The following TENM3 variants were observed in gnomAD, a reference collection of about 807,000 sequenced individuals.
The protein encoded by TENM3 is teneurin-3.
TENM3 carries 63 observed loss-of-function variants against 255.1 expected under a neutral mutation model. The ratio of observed to expected loss-of-function variants is 0.25; its 90% CI spans 0.20 to 0.30. The LOEUF is 0.30. Among genes scored for constraint, TENM3 ranks in the 10% least tolerant of loss-of-function variants. TENM3 has a pLI of 1.00. For missense variants in TENM3, 2,929 were observed against 3,461.1 expected (o/e 0.85, Z 3.86); for synonymous variants, 1,306 against 1,322.3 (o/e 0.99, Z 0.27).
the TENM3 span, among the ~76,000 whole-genome samples, chr4:181,854,894 G>A: frequency 1.1e-4 from 17 of 152,288 alleles, no homozygotes; most frequent in East Asian, 1.9e-3. Context: ...CAGAGTACGC[G>A]TTAGCTAGCA....
chr4:182,731,181 T>G, intron 16 of TENM3, 42 bp downstream of exon 16: 1 of 1,584,142 alleles, frequency 6.3e-7, no homozygotes. Flanking sequence ...TACAAGATCT[T>G]CAGATCATGT....
In TENM3 at chr4:182,753,536, C is replaced by T. The variant is rs780477644; in HGVS notation, c.3949C>T (p.Leu1317Phe). 1 of 1,613,940 alleles carries T rather than the reference C, an allele frequency of 6.2e-7. No individual in the cohort carries two copies. The highest frequency in any genetic ancestry group is 8.5e-7 in the Non-Finnish European group (1 of 1,179,828). ...KVDQNGIIST[L>F]LGSNDLTSAR... ...TGACCAAAATGGAATCATATCAACT[C>T]TTCTGGGCTCTAACGATTTGACTTC... Residue 1317 changes from leucine (L) to phenylalanine (F), a missense_variant, in exon 21 of 28, where the codon CTT (leucine) becomes TTT (phenylalanine). Physicochemically the swap from Leu to Phe is conservative, Grantham distance 22. This residue lies in a region of TENM3 where 1,608 missense variants were observed against 1,884.4 expected (regional missense o/e 0.85). Transcript: ENST00000511685.
chr4:182,705,545 A>G (rs1006075978), intron 12 of TENM3, among the ~76,000 whole-genome samples: 9 of 152,238 alleles, frequency 5.9e-5, no homozygotes, highest in Non-Finnish European at 1.0e-4. Flanking sequence ...AACTGCTTAT[A>G]TACAGTGAAA....
the TENM3 span, among the ~76,000 whole-genome samples, chr4:182,021,891 A>G: frequency 6.6e-6 from 1 of 152,226 alleles, no homozygotes; most frequent in Admixed American, 6.5e-5. Flanking sequence ...TCAAAAAATA[A>G]CATATACTGG....
In TENM3 at chr4:182,214,695, T is replaced by C. The variant is rs555923802; in HGVS notation, c.-76+69941T>C. On this transcript the variant is annotated intron_variant, in intron 1 of 2. Transcript: ENST00000512480. ...TATTTATTTTTAAAAACGCCCCTCA[T>C]GAAGTCTGGGTAATTCTCTCCAGAT... 7.2e-4 allele frequency among the ~76,000 whole-genome samples: 110 copies of C among 152,108 alleles called. 2 individuals are homozygous for C. The highest frequency in any genetic ancestry group is 2.5e-3 in the African/African-American group (102 of 41,486).
chr4:181,931,572 T>A, the TENM3 span, among the ~76,000 whole-genome samples: 1 of 152,202 alleles, frequency 6.6e-6, no homozygotes, highest in Admixed American at 6.5e-5. Context: ...ATCAATATCA[T>A]GAAAATGGCC....
the TENM3 span, among the ~76,000 whole-genome samples, chr4:181,834,607 C>T: frequency 4.6e-5 from 7 of 152,240 alleles, no homozygotes; most frequent in Admixed American, 1.3e-4. Flanking sequence ...GGGCATGGGG[C>T]GGGGGAAGCG....
the TENM3 span, among the ~76,000 whole-genome samples, chr4:181,567,771 T>C: frequency 6.6e-6 from 1 of 152,170 alleles, no homozygotes; most frequent in African/African-American, 2.4e-5. Flanking sequence ...GTGTGACACA[T>C]GAGGTCTTTC....
At chr4:182,113,205 G>A in the TENM3 span, among the ~76,000 whole-genome samples, 7 of 152,262 alleles carry the variant, frequency 4.6e-5, no homozygotes. Context: ...GACAACACTG[G>A]AAAAATCATT....
At chr4:182,719,263 T>TTC (rs1561154621) in intron 13 of TENM3, among the ~76,000 whole-genome samples, 2 of 123,082 alleles carry the variant, frequency 1.6e-5, no homozygotes, top group Non-Finnish European at 3.5e-5. Context: ...TTTTTTTTTT[T>TTC]TTTTTTTTTT....
intron 4 of TENM3, among the ~76,000 whole-genome samples, chr4:182,620,153 T>G (rs1393118457): frequency 2.0e-5 from 3 of 152,202 alleles, no homozygotes; most frequent in Non-Finnish European, 4.4e-5. Flanking sequence ...GGGAAGAGAC[T>G]AATGACACAC....
At chr4:182,701,376 A>T (rs1414797641) in intron 12 of TENM3, among the ~76,000 whole-genome samples, 2 of 151,336 alleles carry the variant, frequency 1.3e-5, no homozygotes, top group South Asian at 4.2e-4. Context: ...GCCCACAACC[A>T]CACCTGGCTA....
At chr4:181,685,353 C>T in the TENM3 span, among the ~76,000 whole-genome samples, 43 of 152,122 alleles carry the variant, frequency 2.8e-4, no homozygotes, top group Non-Finnish European at 5.0e-4. Flanking sequence ...AATCATGTCC[C>T]TGGAAGCACA....
the TENM3 span, among the ~76,000 whole-genome samples, chr4:181,547,534 A>G: frequency 6.6e-6 from 1 of 152,148 alleles, no homozygotes. Flanking sequence ...AACATGCAAG[A>G]ATTAAAAAGC....
chr4:181,631,769 T>C, the TENM3 span, among the ~76,000 whole-genome samples: 1 of 152,282 alleles, frequency 6.6e-6, no homozygotes, highest in African/African-American at 2.4e-5. Flanking sequence ...GTCAAAGGAA[T>C]AGGATTACAC....
At chr4:181,603,137 A>C in the TENM3 span, among the ~76,000 whole-genome samples, 1 of 152,206 alleles carries the variant, frequency 6.6e-6, no homozygotes, top group Admixed American at 6.5e-5. Context: ...AGAGGCTCTT[A>C]ATGACAAAAT....
At chr4:182,440,861 C>T (rs535177004) in intron 3 of TENM3, among the ~76,000 whole-genome samples, 24 of 150,856 alleles carry the variant, frequency 1.6e-4, no homozygotes, top group Non-Finnish European at 2.9e-4. Context: ...TTTGGGGATA[C>T]ATGTGAAGGT....
At chr4:182,486,315 T>TGG (rs5864787) in intron 3 of TENM3, among the ~76,000 whole-genome samples, 16,498 of 111,166 alleles carry the variant, frequency 0.15, 1,210 homozygotes, top group Middle Eastern at 0.23. Flanking sequence ...TAATTGTGTG[T>TGG]GGGGGGGAGG....
intron 3 of TENM3, among the ~76,000 whole-genome samples, chr4:182,570,478 T>C (rs974454759): frequency 6.6e-6 from 1 of 152,114 alleles, no homozygotes; most frequent in Non-Finnish European, 1.5e-5. Flanking sequence ...TTTAGCTCTG[T>C]GGAAAATCAG....
Sources: gnomAD v4.1 joint callset for allele counts (sites outside exome capture counted in the v4.1 genomes callset) on GRCh38, gnomAD v4.1.1 for gene constraint, gnomAD v4.1.1 regional missense constraint, MANE v1.5 for transcripts, NCBI Gene and HGNC (gene_info 2026-07-23, HGNC 2026-07-21) for gene names.